The following CPNE8 variants were observed in gnomAD, a reference collection of about 807,000 sequenced individuals.
The protein encoded by CPNE8 is copine 8.
A neutral mutation model predicts 81.5 loss-of-function variants in CPNE8; 45 were observed. The ratio of observed to expected loss-of-function variants is 0.55; its 90% confidence interval spans 0.44 to 0.71. The LOEUF is 0.71. CPNE8 is among the 30% of genes least tolerant of loss of function. CPNE8 has a pLI of 0.00. For synonymous variants in CPNE8, 252 were observed against 226.3 expected (o/e 1.11, Z -1.02); for missense variants, 594 against 672.1 (o/e 0.88, Z 1.28).
chr12:38,839,037 A>G (rs948753783), intron 5 of CPNE8, among the ~76,000 whole-genome samples: 1 of 152,130 alleles, frequency 6.6e-6, no homozygotes, highest in Non-Finnish European at 1.5e-5. Flanking sequence ...ATTTCTGGGA[A>G]CTGTTAGTCC....
At chr12:38,902,315 GGAAAGAAA>G (rs201678434) in intron 1 of CPNE8, among the ~76,000 whole-genome samples, 1,342 of 83,346 alleles carry the variant, frequency 0.016, 34 homozygotes, top group East Asian at 0.029. Context: ...AAGGAAGGAA[GGAAAGAAA>G]GAAAGAAAGA....
intron 14 of CPNE8, among the ~76,000 whole-genome samples, chr12:38,700,497 A>G (rs1489444054): frequency 3.3e-5 from 5 of 151,670 alleles, no homozygotes; most frequent in Non-Finnish European, 7.4e-5. Flanking sequence ...ACTGCTAGGA[A>G]TACAGGCGTG....
chr12:38,865,505 C>G (rs1791474762), intron 3 of CPNE8, among the ~76,000 whole-genome samples: 1 of 152,182 alleles, frequency 6.6e-6, no homozygotes, highest in Non-Finnish European at 1.5e-5. Flanking sequence ...AAAGAAACAA[C>G]ACAATTAAGT....
In CPNE8 at chr12:38,826,935, C is replaced by T. The variant is rs181462406; in HGVS notation, c.407+2444G>A. Among the ~76,000 whole-genome samples, 1,411 of 149,934 alleles carry T rather than the reference C, an allele frequency of 9.4e-3. 20 individuals are homozygous for T. Among genetic ancestry groups the T allele is most frequent in the South Asian group, 0.04 (189 of 4,726 alleles). ...CTGTAATCCCAGAACTTTGGGAGGCCGAGGCGGGCAGATCACGAGGTCAGG... is the reference window on the plus strand; with the variant it reads ...CTGTAATCCCAGAACTTTGGGAGGCTGAGGCGGGCAGATCACGAGGTCAGG... On this transcript the variant is annotated intron_variant, in intron 6 of 19. Coordinates refer to ENST00000331366, the MANE Select transcript of CPNE8 (RefSeq NM_153634.3).
intron 6 of CPNE8, among the ~76,000 whole-genome samples, chr12:38,781,641 A>G (rs1205086384): frequency 6.6e-6 from 1 of 152,110 alleles, no homozygotes; most frequent in Non-Finnish European, 1.5e-5. Context: ...ACATAAAGCA[A>G]AATTGACACA....
chr12:38,879,130 G>A (rs921499978), intron 1 of CPNE8, among the ~76,000 whole-genome samples: 1 of 152,016 alleles, frequency 6.6e-6, no homozygotes, highest in Non-Finnish European at 1.5e-5. Flanking sequence ...CAGGTGGGAG[G>A]GGGTCCCTGG....
chr12:38,755,877 A>G (rs972136925), intron 10 of CPNE8, among the ~76,000 whole-genome samples: 3 of 151,616 alleles, frequency 2.0e-5, no homozygotes, highest in South Asian at 2.1e-4. Flanking sequence ...CGTCTCTACT[A>G]AAAATACAAA....
At chr12:38,720,314 C>G (rs1377794330) in intron 13 of CPNE8, among the ~76,000 whole-genome samples, 2 of 152,158 alleles carry the variant, frequency 1.3e-5, no homozygotes, top group East Asian at 3.9e-4. Flanking sequence ...GCCATTTGCT[C>G]TGATTAGCCC....
At chr12:38,669,812 T>G (rs1417815943) in intron 19 of CPNE8, among the ~76,000 whole-genome samples, 1 of 152,158 alleles carries the variant, frequency 6.6e-6, no homozygotes, top group Non-Finnish European at 1.5e-5. Context: ...TTTCCCTTCA[T>G]GTGTGCTAAG....
chr12:38,701,538 G>T (rs1430908381), intron 14 of CPNE8, among the ~76,000 whole-genome samples: 1 of 152,084 alleles, frequency 6.6e-6, no homozygotes, highest in East Asian at 1.9e-4. Flanking sequence ...CTGTCACCCA[G>T]TTTGGAGTAC....
At chr12:38,905,306 T>C (rs1405663634) in intron 1 of CPNE8, 131 bp downstream of exon 1, 3 of 1,031,530 alleles carry the variant, frequency 2.9e-6, no homozygotes, top group East Asian at 2.6e-5. Context: ...CCAGCCCCAC[T>C]ACTGAGATAT....
At chr12:38,885,738 A>C (rs1441514872) in intron 1 of CPNE8, among the ~76,000 whole-genome samples, 1 of 152,126 alleles carries the variant, frequency 6.6e-6, no homozygotes, top group Non-Finnish European at 1.5e-5. Flanking sequence ...CTCAGGTAGA[A>C]TTGTAATCCT....
At chr12:38,839,236 A>G (rs11169768) in intron 5 of CPNE8, among the ~76,000 whole-genome samples, 52,548 of 151,728 alleles carry the variant, frequency 0.35, 11,398 homozygotes, top group Non-Finnish European at 0.48. Flanking sequence ...GTTTCGCTGG[A>G]GTATCTCACT....
intron 6 of CPNE8, among the ~76,000 whole-genome samples, chr12:38,814,309 CTTTTTTTTTTTTTT>C (rs61444154): frequency 4.1e-5 from 2 of 49,170 alleles, no homozygotes; most frequent in African/African-American, 8.2e-5. Flanking sequence ...CCAGACCTGG[CTTTTTTTTTTTTTT>C]TTTTTTTTTT....
At chr12:38,802,573 A>G (rs1333570921) in intron 6 of CPNE8, among the ~76,000 whole-genome samples, 1 of 132,702 alleles carries the variant, frequency 7.5e-6, no homozygotes, top group Non-Finnish European at 1.6e-5. Flanking sequence ...TCCAAAATTG[A>G]CACCCTAACA....
At chr12:38,711,056 A>C (rs1325349789) in intron 13 of CPNE8, among the ~76,000 whole-genome samples, 1 of 152,184 alleles carries the variant, frequency 6.6e-6, no homozygotes, top group Non-Finnish European at 1.5e-5. Context: ...TAGATGATAA[A>C]ATTTTGTTCC....
chr12:38,702,464 T>C (rs1341365811), intron 14 of CPNE8, among the ~76,000 whole-genome samples: 1 of 152,132 alleles, frequency 6.6e-6, no homozygotes, highest in Non-Finnish European at 1.5e-5. Context: ...ATTACATTTA[T>C]ATAAATTCAT....
At chr12:38,711,484 T>TC (rs1465687160) in intron 13 of CPNE8, among the ~76,000 whole-genome samples, 2 of 141,888 alleles carry the variant, frequency 1.4e-5, no homozygotes, top group African/African-American at 5.1e-5. Context: ...TTTTTTTTTT[T>TC]CCAGATGGAG....
At chr12:38,683,791 A>G (rs1764649664) in intron 16 of CPNE8, among the ~76,000 whole-genome samples, 1 of 152,082 alleles carries the variant, frequency 6.6e-6, no homozygotes, top group Admixed American at 6.5e-5. Flanking sequence ...ATAAAGAATT[A>G]TTAGATCATA....
Sources: gnomAD v4.1 joint callset for allele counts (sites outside exome capture counted in the v4.1 genomes callset) on GRCh38, gnomAD v4.1.1 for gene constraint, MANE v1.5 for transcripts, NCBI Gene and HGNC (gene_info 2026-07-23, HGNC 2026-07-21) for gene names.